The following B3GAT2 variants were observed in gnomAD, a reference collection of about 807,000 sequenced individuals.
B3GAT2 encodes the protein beta-1,3-glucuronyltransferase 2.
Under a neutral mutation model 27.8 loss-of-function variants are expected in B3GAT2, and 26 were observed. The ratio of observed to expected loss-of-function variants is 0.93; its 90% CI spans 0.68 to 1.30. The LOEUF is 1.30. B3GAT2 is among the 50% of genes most tolerant of loss of function. The pLI is 0.00. For missense variants in B3GAT2, 458 were observed against 459.0 expected (o/e 1.00, Z 0.02); for synonymous variants, 218 against 195.1 (o/e 1.12, Z -0.98).
At chr6:70,902,330 A>G (rs1312329239) in intron 1 of B3GAT2, among the ~76,000 whole-genome samples, 1 of 151,534 alleles carries the variant, frequency 6.6e-6, no homozygotes, top group Non-Finnish European at 1.5e-5. Flanking sequence ...ATGGACATCC[A>G]TGCTAAAAAA....
At chr6:70,928,286 A>G (rs1772997555) in intron 1 of B3GAT2, among the ~76,000 whole-genome samples, 2 of 152,192 alleles carry the variant, frequency 1.3e-5, no homozygotes, top group Non-Finnish European at 2.9e-5. Flanking sequence ...TGGAGAAGCC[A>G]GAGCAAACAC....
intron 1 of B3GAT2, among the ~76,000 whole-genome samples, chr6:70,944,004 A>G (rs147236212): frequency 0.013 from 1,975 of 152,308 alleles, 20 homozygotes; most frequent in Non-Finnish European, 0.019. Flanking sequence ...TGAATATATT[A>G]ATTAGCTTTA....
rs1765666671 is a variant in B3GAT2 at position 70,956,848 on chromosome 6, G to A, written c.-419C>T. ...AGTCCGGCGGTGCTGCGGGCACAAG[G>A]GCTCCAGCCGCGGGCCCCCAGGACG... On this transcript the variant is annotated 5_prime_UTR_variant, in exon 1 of 4. Coordinates refer to ENST00000230053, the MANE Select transcript of B3GAT2 (RefSeq NM_080742.3). 9.7e-7 allele frequency: 1 copy of A among 1,034,386 alleles called. No individual in the cohort carries two copies. Among genetic ancestry groups the A allele is most frequent in the Non-Finnish European group, 1.2e-6 (1 of 861,746 alleles). The allele number at this position is 1,034,386 out of a possible 1,614,324, so 64.1% of individuals were successfully genotyped here.
chr6:70,860,950 C>T lies in B3GAT2; in HGVS notation c.*713G>A, dbSNP rs1402425557. ...CTTAAAGAATTCAAATTTTATCTGC[C>T]TCTCTTGTAATTTGGATCTCTTCTT... On this transcript the variant is annotated 3_prime_UTR_variant, in exon 4 of 4. Transcript: ENST00000230053. 5.6e-6 allele frequency: 2 copies of T among 359,986 alleles called. No individual in the cohort carries two copies. Among genetic ancestry groups the T allele is most frequent in the East Asian group, 4.0e-5 (1 of 25,228 alleles). 22.3% of individuals were successfully genotyped at this position (359,986 alleles called of 1,614,324 possible).
rs114887677 is a variant in B3GAT2 at position 70,892,825 on chromosome 6, C to T, written c.736+1303G>A. ...TGTTTTCAGGGCCATGCACTCTGAG[C>T]GGGTCGAGGGCAGGCCTCTTTCGAG... On this transcript the variant is annotated intron_variant, in intron 2 of 3. Transcript: ENST00000230053. Among the ~76,000 whole-genome samples the T allele has an allele frequency of 9.8e-3, 1,492 of 152,292 alleles. 21 individuals carry two copies. The highest frequency in any genetic ancestry group is 0.033 in the African/African-American group (1,374 of 41,562).
chr6:70,860,191 G>A lies in B3GAT2; in HGVS notation c.*1472C>T, dbSNP rs1209284075. ...GCCTCTTGAACTAAGCCTTTTATAT[G>A]TTTCACAGATGAATCAGCAGATGGC... On this transcript the variant is annotated 3_prime_UTR_variant, in exon 4 of 4. Transcript: ENST00000230053. 3.7e-6 allele frequency: 6 copies of A among 1,601,302 alleles called. No individual in the cohort carries two copies. The highest frequency in any genetic ancestry group is 2.3e-5 in the South Asian group (2 of 88,530).
chr6:70,916,027 C>T (rs2150040343), intron 1 of B3GAT2, among the ~76,000 whole-genome samples: 1 of 152,290 alleles, frequency 6.6e-6, no homozygotes, highest in South Asian at 2.1e-4. Flanking sequence ...TCTCCCTATC[C>T]ATGAGCATGG....
At chr6:70,890,443 T>A (rs1371632518) in intron 2 of B3GAT2, among the ~76,000 whole-genome samples, 2 of 152,194 alleles carry the variant, frequency 1.3e-5, no homozygotes, top group Non-Finnish European at 2.9e-5. Flanking sequence ...AGAAGACCTG[T>A]ATGCTCCCAG....
intron 1 of B3GAT2, among the ~76,000 whole-genome samples, chr6:70,915,981 T>C (rs1163287795): frequency 6.6e-6 from 1 of 152,248 alleles, no homozygotes; most frequent in African/African-American, 2.4e-5. Flanking sequence ...ATCTTTAAAT[T>C]ACCTTGGGCA....
intron 2 of B3GAT2, among the ~76,000 whole-genome samples, chr6:70,880,091 G>A (rs1772076866): frequency 6.6e-6 from 1 of 150,844 alleles, no homozygotes; most frequent in East Asian, 2.0e-4. Context: ...TGGGGGTGGG[G>A]GTGGGGGTGG....
intron 1 of B3GAT2, among the ~76,000 whole-genome samples, chr6:70,911,722 A>G (rs1340147768): frequency 6.6e-6 from 1 of 152,192 alleles, no homozygotes; most frequent in East Asian, 1.9e-4. Flanking sequence ...TTGAATCTGT[A>G]AATTGCTTTG....
rs1384358921 is a variant in B3GAT2 at position 70,949,867 on chromosome 6, T to C, written c.591+5972A>G. Among the ~76,000 whole-genome samples the C allele has an allele frequency of 1.3e-4, 20 of 152,022 alleles. 1 individual carries two copies. The East Asian group carries it at 2.7e-3, about 21-fold the overall frequency. ...GGCATATATACACCATGGAATACTA[T>C]GCAGCCATAAAAAATGATGAGTTCA... On this transcript the variant is annotated intron_variant, in intron 1 of 3. Coordinates refer to ENST00000230053, the MANE Select transcript of B3GAT2 (RefSeq NM_080742.3).
chr6:70,878,957 G>C (rs2474916), intron 2 of B3GAT2, among the ~76,000 whole-genome samples: 57,679 of 151,760 alleles, frequency 0.38, 12,291 homozygotes, highest in Admixed American at 0.47. Flanking sequence ...AGCAGGCATT[G>C]AAATATACCA....
At chr6:70,924,960 G>A (rs766955635) in intron 1 of B3GAT2, among the ~76,000 whole-genome samples, 11 of 152,196 alleles carry the variant, frequency 7.2e-5, no homozygotes, top group African/African-American at 1.2e-4. Flanking sequence ...CCTGAGGTTG[G>A]CCTTTTGAGA....
intron 1 of B3GAT2, among the ~76,000 whole-genome samples, chr6:70,930,246 A>G (rs1773038201): frequency 6.6e-6 from 1 of 152,240 alleles, no homozygotes; most frequent in Non-Finnish European, 1.5e-5. Flanking sequence ...ACCCTAGAAG[A>G]AAACGTAGGC....
intron 1 of B3GAT2, among the ~76,000 whole-genome samples, chr6:70,914,410 G>A (rs955242344): frequency 2.0e-5 from 3 of 152,142 alleles, no homozygotes; most frequent in African/African-American, 7.2e-5. Flanking sequence ...GTGATAGTTT[G>A]CTGAGAACGA....
intron 2 of B3GAT2, among the ~76,000 whole-genome samples, chr6:70,869,666 G>T (rs1771903497): frequency 6.6e-6 from 1 of 152,094 alleles, no homozygotes; most frequent in Non-Finnish European, 1.5e-5. Flanking sequence ...TATTGTGAAT[G>T]AAATTTTCTT....
chr6:70,946,735 T>C (rs1411625032), intron 1 of B3GAT2, among the ~76,000 whole-genome samples: 1 of 152,172 alleles, frequency 6.6e-6, no homozygotes, highest in East Asian at 1.9e-4. Flanking sequence ...GCGGACCTAA[T>C]ACACATCTAA....
At chr6:70,925,481 G>A (rs932597242) in intron 1 of B3GAT2, among the ~76,000 whole-genome samples, 1 of 152,202 alleles carries the variant, frequency 6.6e-6, no homozygotes, top group Admixed American at 6.5e-5. Flanking sequence ...TTAGCAAACG[G>A]CACACCAGGA....
Sources: allele counts gnomAD v4.1 joint callset (sites outside exome capture counted in the v4.1 genomes callset), GRCh38; gene constraint gnomAD v4.1.1; transcripts MANE v1.5; gene names NCBI Gene and HGNC (gene_info 2026-07-23, HGNC 2026-07-21).